Variants in NTM observed in about 807,000 individuals in gnomAD.
NTM encodes IgLON family member 2.
A neutral mutation model predicts 42.1 loss-of-function variants in NTM; 13 were observed. The ratio of observed to expected loss-of-function variants is 0.31; its 90% CI spans 0.20 to 0.49. The LOEUF is 0.49. Among genes scored for constraint, NTM ranks in the 20% least tolerant of loss-of-function variants. The pLI, the probability that NTM is intolerant of heterozygous loss-of-function variation, is 0.99. For missense variants in NTM, 373 were observed against 452.8 expected (o/e 0.82, Z 1.60); for synonymous variants, 187 against 179.2 (o/e 1.04, Z -0.35).
At chr11:131,841,003 C>A (rs2044166356) in intron 1 of NTM, among the ~76,000 whole-genome samples, 1 of 152,082 alleles carries the variant, frequency 6.6e-6, no homozygotes, top group African/African-American at 2.4e-5. Flanking sequence ...AGTACAAGAC[C>A]CACTTGAGGT....
intron 2 of NTM, among the ~76,000 whole-genome samples, chr11:131,986,719 C>A (rs2135025217): frequency 6.6e-6 from 1 of 152,290 alleles, no homozygotes; most frequent in South Asian, 2.1e-4. Flanking sequence ...AGGAATATAA[C>A]CTCCATGAGG....
intron 3 of NTM, among the ~76,000 whole-genome samples, chr11:132,153,684 G>A (rs1398928048): frequency 6.6e-6 from 1 of 152,124 alleles, no homozygotes; most frequent in Non-Finnish European, 1.5e-5. Flanking sequence ...GATGAGAAAG[G>A]TTTCCGTCCA....
chr11:132,139,306 G>A (rs191006398), intron 2 of NTM, among the ~76,000 whole-genome samples: 1 of 152,304 alleles, frequency 6.6e-6, no homozygotes, highest in East Asian at 1.9e-4. Flanking sequence ...TTGGCTACAT[G>A]TGTGTAACAG....
intron 1 of NTM, among the ~76,000 whole-genome samples, chr11:131,723,134 C>A (rs1343003085): frequency 6.6e-6 from 1 of 152,212 alleles, no homozygotes; most frequent in Non-Finnish European, 1.5e-5. Flanking sequence ...TACACAATGG[C>A]AATACAAAAA....
intron 1 of NTM, among the ~76,000 whole-genome samples, chr11:131,679,209 C>A (rs977204421): frequency 2.6e-5 from 4 of 152,138 alleles, no homozygotes; most frequent in African/African-American, 9.7e-5. Flanking sequence ...AACCTGCTCC[C>A]TCCAGCTCTT....
At chr11:132,032,339 C>T (rs2076035185) in intron 2 of NTM, among the ~76,000 whole-genome samples, 1 of 152,190 alleles carries the variant, frequency 6.6e-6, no homozygotes, top group Admixed American at 6.5e-5. Context: ...TGACTTGAAG[C>T]TCTTAGCCCA....
intron 1 of NTM, among the ~76,000 whole-genome samples, chr11:131,557,348 C>A (rs1002251923): frequency 2.0e-5 from 3 of 152,118 alleles, no homozygotes; most frequent in African/African-American, 7.2e-5. Context: ...CATTGACGCC[C>A]CGACCCTGTG....
chr11:131,523,717 T>A (rs2324515), intron 1 of NTM, among the ~76,000 whole-genome samples: 25,997 of 133,452 alleles, frequency 0.19, 2,299 homozygotes, highest in Middle Eastern at 0.3. Flanking sequence ...TGAACCCAGG[T>A]GGCAGAGGTT....
chr11:131,426,463 TACC>T (rs1035038816), intron 1 of NTM, among the ~76,000 whole-genome samples: 15 of 152,174 alleles, frequency 9.9e-5, no homozygotes, highest in Admixed American at 9.8e-4. Flanking sequence ...ATTCCTCTGC[TACC>T]AGCCTCTGAG....
At chr11:131,568,066 A>G (rs1221178986) in intron 1 of NTM, among the ~76,000 whole-genome samples, 2 of 152,254 alleles carry the variant, frequency 1.3e-5, no homozygotes, top group Non-Finnish European at 2.9e-5. Context: ...ACATATAGTA[A>G]GTCACAGAAT....
chr11:132,059,712 C>T (rs935897691), intron 2 of NTM, among the ~76,000 whole-genome samples: 3 of 151,978 alleles, frequency 2.0e-5, no homozygotes, highest in Admixed American at 6.5e-5. Context: ...GAGAGCCCTT[C>T]GAATCCTCCC....
rs757737513 is a variant in NTM, at chr11:132,090,477, C to T, written c.168-55805C>T. Among the ~76,000 whole-genome samples the T allele has an allele frequency of 2.6e-5, 4 of 152,236 alleles. No homozygotes were observed. The East Asian group carries it at 5.8e-4, about 22-fold the overall frequency. On this transcript the variant is annotated intron_variant, in intron 2 of 8. Coordinates refer to ENST00000683400, the MANE Select transcript of NTM (RefSeq NM_001352005.2). The stretch of plus-strand genomic sequence containing the variant: ...ATGCCCAGTAACTTCATCTGCCCTC[C>T]GTTTTAGGGTGCCATCTATGGTTAC...
intron 4 of NTM, among the ~76,000 whole-genome samples, chr11:132,300,360 A>G (rs928958999): frequency 6.6e-6 from 1 of 152,220 alleles, no homozygotes; most frequent in East Asian, 1.9e-4. Flanking sequence ...CAATAATACT[A>G]TAAGGTAATC....
intron 1 of NTM, among the ~76,000 whole-genome samples, chr11:131,855,440 C>G (rs926216320): frequency 6.6e-6 from 1 of 152,116 alleles, no homozygotes; most frequent in Non-Finnish European, 1.5e-5. Context: ...TCTTAAATTC[C>G]CCACTCTACC....
At chr11:131,699,620 C>T (rs540697461) in intron 1 of NTM, among the ~76,000 whole-genome samples, 31 of 152,240 alleles carry the variant, frequency 2.0e-4, no homozygotes, top group Non-Finnish European at 4.1e-4. Context: ...AGTTGACTCA[C>T]AGTTCAGCAG....
chr11:132,168,664 A>C (rs1252026160), intron 3 of NTM, among the ~76,000 whole-genome samples: 1 of 152,194 alleles, frequency 6.6e-6, no homozygotes, highest in Non-Finnish European at 1.5e-5. Flanking sequence ...TTAAACCTTA[A>C]GTCCAGAGCA....
Position 131,720,724 on chromosome 11 carries a change from T to A in NTM, c.83-190840T>A, listed in dbSNP as rs140552451. ...GACTATTTTGGCTCCAGAGGCAGCGTGTTATAGTGGTTACAACTTCCAACT... is the reference window on the plus strand; with the variant it reads ...GACTATTTTGGCTCCAGAGGCAGCGAGTTATAGTGGTTACAACTTCCAACT... On this transcript the variant is annotated intron_variant, in intron 1 of 8. Coordinates refer to ENST00000683400, the MANE Select transcript of NTM (RefSeq NM_001352005.2). 1.8e-3 allele frequency among the ~76,000 whole-genome samples: 267 copies of A among 152,300 alleles called. 1 individual carries two copies. The highest frequency in any genetic ancestry group is 6.3e-3 in the African/African-American group (260 of 41,572).
intron 1 of NTM, among the ~76,000 whole-genome samples, chr11:131,685,098 C>T (rs1329817764): frequency 6.6e-6 from 1 of 152,200 alleles, no homozygotes; most frequent in Non-Finnish European, 1.5e-5. Context: ...AAAACAATAG[C>T]TTCCATAGGT....
rs576956361 is a variant in NTM at position 131,576,435 on chromosome 11, G to A, written c.82+205547G>A. On this transcript the variant is annotated intron_variant, in intron 1 of 8. Coordinates refer to ENST00000683400, the MANE Select transcript of NTM (RefSeq NM_001352005.2). ...CTTCTTAGGGTCACAGCCCTGACCT[G>A]CCTTCACCCATTGTCTTATACTTTT... Among the ~76,000 whole-genome samples, 3 of 152,154 alleles carry A rather than the reference G, an allele frequency of 2.0e-5. No homozygotes were observed. In the South Asian group the frequency reaches 6.2e-4, roughly 32 times the overall value.
Sources: allele counts gnomAD v4.1 joint callset (sites outside exome capture counted in the v4.1 genomes callset), GRCh38; gene constraint gnomAD v4.1.1; transcripts MANE v1.5; gene names NCBI Gene and HGNC (gene_info 2026-07-23, HGNC 2026-07-21).